The following ADGRB3 variants were observed in gnomAD, a reference collection of about 807,000 sequenced individuals.
The protein encoded by ADGRB3 is brain-specific angiogenesis inhibitor 3.
A neutral mutation model predicts 193.4 loss-of-function variants in ADGRB3; 37 were observed. The ratio of observed to expected loss-of-function variants is 0.19; its 90% CI spans 0.15 to 0.25. The LOEUF is 0.25. Among genes scored for constraint, ADGRB3 ranks in the 10% least tolerant of loss-of-function variants. ADGRB3 has a pLI of 1.00. For missense variants in ADGRB3, 1,637 were observed against 1,852.9 expected (o/e 0.88, Z 2.14); for synonymous variants, 690 against 644.2 (o/e 1.07, Z -1.08).
intron 3 of ADGRB3, among the ~76,000 whole-genome samples, chr6:68,672,923 C>T (rs1285069410): frequency 2.6e-5 from 4 of 152,014 alleles, no homozygotes; most frequent in African/African-American, 9.7e-5. Context: ...ACTGGAGCTG[C>T]AATATCAACT....
chr6:69,006,260 T>C (rs1017076247), intron 11 of ADGRB3, among the ~76,000 whole-genome samples: 2 of 152,116 alleles, frequency 1.3e-5, no homozygotes, highest in Non-Finnish European at 2.9e-5. Context: ...TAATCTATAA[T>C]ATGGATGTAT....
At chr6:69,364,742 A>G (rs796288684) in intron 29 of ADGRB3, among the ~76,000 whole-genome samples, 1 of 152,114 alleles carries the variant, frequency 6.6e-6, no homozygotes, top group Non-Finnish European at 1.5e-5. Flanking sequence ...TGCTTTGCTT[A>G]AGGTTAAGAA....
chr6:68,974,465 G>A (rs74623752), intron 8 of ADGRB3, among the ~76,000 whole-genome samples: 12,665 of 151,946 alleles, frequency 0.083, 664 homozygotes, highest in Non-Finnish European at 0.12. Flanking sequence ...CTTTCTCTAC[G>A]TAGAATTAAA....
At chr6:68,912,610 C>T (rs7762793) in intron 3 of ADGRB3, among the ~76,000 whole-genome samples, 49,057 of 151,856 alleles carry the variant, frequency 0.32, 8,306 homozygotes, top group Middle Eastern at 0.53. Flanking sequence ...TGAGTGAGAA[C>T]ATGTGGTGTT....
chr6:68,960,323 T>C (rs536151855), intron 8 of ADGRB3, among the ~76,000 whole-genome samples: 6 of 152,194 alleles, frequency 3.9e-5, no homozygotes, highest in Admixed American at 2.6e-4. Flanking sequence ...AGCCATATCA[T>C]AAATGTATAC....
intron 3 of ADGRB3, among the ~76,000 whole-genome samples, chr6:68,805,129 C>T (rs1406911469): frequency 6.6e-6 from 1 of 152,084 alleles, no homozygotes. Flanking sequence ...GACAAGGTCT[C>T]ACTAGGCTGC....
chr6:69,113,281 A>T (rs1773426685), intron 17 of ADGRB3, among the ~76,000 whole-genome samples: 1 of 152,010 alleles, frequency 6.6e-6, no homozygotes, highest in Admixed American at 6.6e-5. Context: ...ACACATATTT[A>T]TATGTACAAT....
At chr6:69,218,726 A>G (rs969627416) in intron 17 of ADGRB3, among the ~76,000 whole-genome samples, 4 of 152,268 alleles carry the variant, frequency 2.6e-5, no homozygotes, top group Admixed American at 1.3e-4. Flanking sequence ...AGGTGAAGAT[A>G]CCTTAGGAAG....
intron 20 of ADGRB3, among the ~76,000 whole-genome samples, chr6:69,265,571 T>C (rs1767022784): frequency 6.6e-6 from 1 of 151,976 alleles, no homozygotes; most frequent in African/African-American, 2.4e-5. Context: ...TTGAATTTGA[T>C]TTAGATGGAA....
At chr6:69,309,275 G>A (rs1386030710) in intron 20 of ADGRB3, among the ~76,000 whole-genome samples, 2 of 151,716 alleles carry the variant, frequency 1.3e-5, no homozygotes, top group Non-Finnish European at 3.0e-5. Flanking sequence ...GAATAAAAAT[G>A]AGAATTTTCA....
intron 20 of ADGRB3, among the ~76,000 whole-genome samples, chr6:69,294,814 T>C (rs1306997216): frequency 1.3e-5 from 2 of 152,134 alleles, no homozygotes; most frequent in Admixed American, 6.6e-5. Flanking sequence ...CAGTTTGACA[T>C]ATATCTGAAT....
intron 17 of ADGRB3, among the ~76,000 whole-genome samples, chr6:69,178,086 A>C: frequency 6.6e-6 from 1 of 152,170 alleles, no homozygotes; most frequent in South Asian, 2.1e-4. Context: ...CAGGTCTAGA[A>C]GTACTTGTTT....
At chr6:68,912,251 T>A (rs1766734994) in intron 3 of ADGRB3, among the ~76,000 whole-genome samples, 1 of 151,880 alleles carries the variant, frequency 6.6e-6, no homozygotes, top group South Asian at 2.1e-4. Flanking sequence ...AATTACTGAT[T>A]TTTTTTTCTG....
intron 3 of ADGRB3, among the ~76,000 whole-genome samples, chr6:68,657,176 G>A (rs929171059): frequency 6.6e-6 from 1 of 151,290 alleles, no homozygotes; most frequent in Non-Finnish European, 1.5e-5. Context: ...TGTTTCCTGG[G>A]AAAGTCAAGA....
chr6:69,190,390 AAAATAAAT>A (rs949888598), intron 17 of ADGRB3, among the ~76,000 whole-genome samples: 1 of 151,996 alleles, frequency 6.6e-6, no homozygotes, highest in Non-Finnish European at 1.5e-5. Context: ...CAAAAATTTA[AAAATAAAT>A]AAATAAATAT....
intron 3 of ADGRB3, among the ~76,000 whole-genome samples, chr6:68,709,519 G>A (rs1384483193): frequency 1.3e-5 from 2 of 152,114 alleles, no homozygotes; most frequent in African/African-American, 2.4e-5. Context: ...GAGGAATCAG[G>A]GGGCTTTTCT....
intron 30 of ADGRB3, among the ~76,000 whole-genome samples, chr6:69,377,266 T>C (rs1321722426): frequency 6.6e-6 from 1 of 152,070 alleles, no homozygotes; most frequent in Non-Finnish European, 1.5e-5. Flanking sequence ...TGCTTTGAAC[T>C]AAGAACATTG....
rs536903893 is a variant in ADGRB3 at position 69,351,162 on chromosome 6, C to T, written c.3460-3071C>T. 1.4e-3 allele frequency among the ~76,000 whole-genome samples: 216 copies of T among 150,886 alleles called. 2 individuals carry two copies. Among genetic ancestry groups the T allele is most frequent in the African/African-American group, 5.1e-3 (211 of 41,062 alleles). On this transcript the variant is annotated intron_variant, in intron 26 of 31. Transcript: ENST00000370598. The stretch of plus-strand genomic sequence containing the variant: ...AGGCTGGAGTACAATGGCACAATCT[C>T]GGCTCACTGCAACCTTCGCCTCCCG...
chr6:69,030,836 CCTCTT>C lies in ADGRB3; in HGVS notation c.2107+12357_2107+12361del, dbSNP rs368217609. ...TGGGTTTGAGTTTTCTTTTCTTTTT[CCTCTT>C]CTCTTCTCTTCTCTTCTCTCTCTGT... On this transcript the variant is annotated intron_variant, in intron 13 of 31. Coordinates refer to ENST00000370598, the MANE Select transcript of ADGRB3 (RefSeq NM_001704.3). 8.5e-3 allele frequency among the ~76,000 whole-genome samples: 1,283 copies of C among 151,674 alleles called. 11 individuals carry two copies. Among genetic ancestry groups the C allele is most frequent in the Non-Finnish European group, 0.013 (880 of 67,850 alleles).
Sources: gnomAD v4.1 joint callset for allele counts (sites outside exome capture counted in the v4.1 genomes callset) on GRCh38, gnomAD v4.1.1 for gene constraint, MANE v1.5 for transcripts, NCBI Gene and HGNC (gene_info 2026-07-23, HGNC 2026-07-21) for gene names.